Variants in MRPL14 observed in about 807,000 individuals in gnomAD.
MRPL14 encodes mitochondrial ribosomal protein L14, also known as large ribosomal subunit protein uL14m.
MRPL14 carries 8 observed loss-of-function variants against 10.9 expected under a neutral mutation model. That is an observed-to-expected ratio of 0.74 (90% CI 0.43 to 1.33). MRPL14 has a LOEUF of 1.33. Among genes scored for constraint, MRPL14 ranks in the 40% most tolerant of loss-of-function variants. The pLI, the probability that MRPL14 is intolerant of heterozygous loss-of-function variation, is 0.01. For missense variants in MRPL14, 179 were observed against 194.5 expected, an observed-to-expected ratio of 0.92 and a Z score of 0.47; for synonymous variants, 82 against 74.1, an observed-to-expected ratio of 1.11 and a Z score of -0.54.
At chr6:44,127,083 G>A (rs1777178272) in intron 1 of MRPL14, 1 of 152,188 alleles carries the variant, frequency 6.6e-6, no homozygotes, top group Admixed American at 6.5e-5. Flanking sequence ...GTGAGCGCCG[G>A]CCACGGACTT....
intron 1 of MRPL14, among the ~76,000 whole-genome samples, chr6:44,124,195 GA>G (rs1384166239): frequency 6.6e-6 from 1 of 152,084 alleles, no homozygotes; most frequent in Non-Finnish European, 1.5e-5. Context: ...AGAGTAGTGT[GA>G]AAAAGTTAAA....
At chr6:44,120,851 G>A (rs1418184968) in intron 1 of MRPL14, among the ~76,000 whole-genome samples, 1 of 152,120 alleles carries the variant, frequency 6.6e-6, no homozygotes, top group Non-Finnish European at 1.5e-5. Context: ...TTGGAATCAG[G>A]ACATGTCAGG....
At chr6:44,125,550 G>A (rs1776892711) in intron 1 of MRPL14, among the ~76,000 whole-genome samples, 1 of 150,846 alleles carries the variant, frequency 6.6e-6, no homozygotes, top group African/African-American at 2.4e-5. Flanking sequence ...CAGCTACTCG[G>A]GAGGCTGAGG....
Position 44,113,874 on chromosome 6 carries a change from T to G in MRPL14, c.407A>C (p.Lys136Thr), listed in dbSNP as rs781328896. The G allele has an allele frequency of 1.9e-6, 3 of 1,590,384 alleles. No individual in the cohort carries two copies. In the Admixed American group the frequency reaches 5.1e-5, roughly 27 times the overall value. ...SLRKREGEYSKVLAIAQNFV is the reference protein window; with the variant it reads ...SLRKREGEYSTVLAIAQNFV ...AAAGTTCTGAGCAATGGCCAGCACC[T>G]TGGAATACTCGCCTTCCCGCTTGCG... Residue 136 changes from lysine to threonine, a missense_variant, in exon 3 of 3, where the codon AAG becomes ACG. Lys to Thr is a moderately conservative substitution (Grantham distance 78). Coordinates refer to ENST00000372014, the MANE Select transcript of MRPL14 (RefSeq NM_032111.4).
intron 2 of MRPL14, 38 bp from the exon 3 acceptor site, chr6:44,114,247 T>C: frequency 6.3e-7 from 1 of 1,580,616 alleles, no homozygotes; most frequent in Non-Finnish European, 8.6e-7. Flanking sequence ...AGTCTGTATC[T>C]CTTATGGTCA....
chr6:44,126,917 A>G (rs1430925665), intron 1 of MRPL14: 2 of 152,228 alleles, frequency 1.3e-5, no homozygotes, highest in African/African-American at 4.8e-5. Flanking sequence ...TCCTCACACC[A>G]CAGAGGCGTC....
At chr6:44,124,859 T>C (rs1776784658) in intron 1 of MRPL14, among the ~76,000 whole-genome samples, 1 of 152,148 alleles carries the variant, frequency 6.6e-6, no homozygotes, top group South Asian at 2.1e-4. Flanking sequence ...GGCTAAACCA[T>C]AACCTGCTTT....
At chr6:44,118,711 T>A (rs1010931883) in intron 1 of MRPL14, among the ~76,000 whole-genome samples, 1 of 152,222 alleles carries the variant, frequency 6.6e-6, no homozygotes, top group African/African-American at 2.4e-5. Flanking sequence ...ACGCCTGTAA[T>A]CCCAGCACTT....
chr6:44,115,938 GTTAC>G (rs1775806091), intron 2 of MRPL14, among the ~76,000 whole-genome samples: 2 of 152,192 alleles, frequency 1.3e-5, no homozygotes, highest in African/African-American at 4.8e-5. Context: ...TTTTCTTAGA[GTTAC>G]TTATTTTCAA....
chr6:44,124,523 A>G (rs1020986607), intron 1 of MRPL14, among the ~76,000 whole-genome samples: 1 of 152,250 alleles, frequency 6.6e-6, no homozygotes, highest in African/African-American at 2.4e-5. Flanking sequence ...GGGCAGCACC[A>G]TAGGTGCCTC....
intron 2 of MRPL14, among the ~76,000 whole-genome samples, chr6:44,115,036 T>C (rs1775705807): frequency 6.6e-6 from 1 of 152,150 alleles, no homozygotes; most frequent in Admixed American, 6.5e-5. Context: ...TTTTAATACA[T>C]TTTTTCTCAT....
intron 1 of MRPL14, among the ~76,000 whole-genome samples, chr6:44,117,984 C>T (rs949453111): frequency 6.6e-6 from 1 of 151,682 alleles, no homozygotes; most frequent in Admixed American, 6.6e-5. Context: ...ACCCACCACA[C>T]CTGGCCTTTA....
At chr6:44,117,838 G>GTTTTTTTTT (rs1776000924) in intron 1 of MRPL14, among the ~76,000 whole-genome samples, 1 of 90,074 alleles carries the variant, frequency 1.1e-5, no homozygotes, top group Non-Finnish European at 2.2e-5. Flanking sequence ...CTAATTTTTT[G>GTTTTTTTTT]TGTTTTTTTT....
chr6:44,123,015 G>A, intron 1 of MRPL14, among the ~76,000 whole-genome samples: 1 of 152,156 alleles, frequency 6.6e-6, no homozygotes, highest in East Asian at 1.9e-4. Flanking sequence ...TGTGTGCGTG[G>A]TTTTGTAACC....
chr6:44,118,614 T>TATTTATGTA (rs1776096475), intron 1 of MRPL14, among the ~76,000 whole-genome samples: 1 of 152,206 alleles, frequency 6.6e-6, no homozygotes, highest in Non-Finnish European at 1.5e-5. Context: ...TATGAACACT[T>TATTTATGTA]ATCAAATGGT....
At chr6:44,125,099 C>A (rs1776815680) in intron 1 of MRPL14, among the ~76,000 whole-genome samples, 1 of 152,186 alleles carries the variant, frequency 6.6e-6, no homozygotes, top group Non-Finnish European at 1.5e-5. Context: ...TTGTTATCCA[C>A]CCCGCCCCAA....
intron 1 of MRPL14, among the ~76,000 whole-genome samples, chr6:44,122,227 C>T (rs1168408959): frequency 1.3e-5 from 2 of 152,122 alleles, no homozygotes; most frequent in African/African-American, 2.4e-5. Flanking sequence ...GGACTACAGG[C>T]GCCTGCCACC....
chr6:44,122,089 C>CA (rs1554192719), intron 1 of MRPL14, among the ~76,000 whole-genome samples: 2 of 148,040 alleles, frequency 1.4e-5, no homozygotes, highest in East Asian at 3.9e-4. Context: ...TCCCCCCCCT[C>CA]TTTTTTTTTT....
chr6:44,121,512 G>A (rs1372832127), intron 1 of MRPL14, among the ~76,000 whole-genome samples: 1 of 152,224 alleles, frequency 6.6e-6, no homozygotes, highest in East Asian at 1.9e-4. Flanking sequence ...AATTGCCATC[G>A]CCCTACAGAT....
Sources: gnomAD v4.1 joint callset for allele counts (sites outside exome capture counted in the v4.1 genomes callset) on GRCh38, gnomAD v4.1.1 for gene constraint, MANE v1.5 for transcripts, NCBI Gene and HGNC (gene_info 2026-07-23, HGNC 2026-07-21) for gene names.